Variants in PPP2R2C observed in about 807,000 individuals in gnomAD.
The protein encoded by PPP2R2C is protein phosphatase 2 regulatory subunit Bgamma, also known as protein phosphatase 2, regulatory subunit B, gamma.
A neutral mutation model predicts 45.3 loss-of-function variants in PPP2R2C; 10 were observed. The observed-to-expected ratio is 0.22, with a 90% CI of 0.14 to 0.37. The LOEUF (loss-of-function observed/expected upper bound fraction) is 0.37. Among genes scored for constraint, PPP2R2C ranks in the 10% least tolerant of loss-of-function variants. The pLI is 1.00. For missense variants in PPP2R2C, 308 were observed against 619.7 expected (o/e 0.50, Z 5.34); for synonymous variants, 257 against 245.4 (o/e 1.05, Z -0.44).
intron 2 of PPP2R2C, among the ~76,000 whole-genome samples, chr4:6,534,089 C>A (rs1478648211): frequency 1.3e-5 from 2 of 150,358 alleles, no homozygotes; most frequent in Non-Finnish European, 3.0e-5. Flanking sequence ...TACACATCAA[C>A]ACATACACTA....
intron 5 of PPP2R2C, among the ~76,000 whole-genome samples, chr4:6,363,575 T>C (rs1051546753): frequency 2.5e-4 from 37 of 149,988 alleles, no homozygotes; most frequent in African/African-American, 8.4e-4. Context: ...TGAGTCTCCA[T>C]CTCAAAAAAA....
At chr4:6,549,607 G>A (rs985319312) in intron 1 of PPP2R2C, among the ~76,000 whole-genome samples, 3 of 152,198 alleles carry the variant, frequency 2.0e-5, no homozygotes, top group Admixed American at 2.0e-4. Context: ...CTGTAGAGTG[G>A]CCACAGGTTT....
At chr4:6,542,822 C>A (rs1369940925) in intron 1 of PPP2R2C, among the ~76,000 whole-genome samples, 3 of 151,806 alleles carry the variant, frequency 2.0e-5, no homozygotes, top group African/African-American at 4.8e-5. Context: ...AAATAGAAAA[C>A]CAGACTTTGT....
At chr4:6,326,653 G>C (rs1385425959) in intron 8 of PPP2R2C, among the ~76,000 whole-genome samples, 1 of 152,210 alleles carries the variant, frequency 6.6e-6, no homozygotes, top group Non-Finnish European at 1.5e-5. Flanking sequence ...GGCCACGAAG[G>C]CCAGTTTCCT....
At chr4:6,499,387 G>A (rs761080265) in intron 2 of PPP2R2C, among the ~76,000 whole-genome samples, 14 of 152,002 alleles carry the variant, frequency 9.2e-5, no homozygotes, top group African/African-American at 1.7e-4. Context: ...CTCTCCCTTC[G>A]GCTGCATGAG....
intron 2 of PPP2R2C, among the ~76,000 whole-genome samples, chr4:6,509,516 C>T (rs1205910094): frequency 6.6e-6 from 1 of 152,132 alleles, no homozygotes; most frequent in African/African-American, 2.4e-5. Flanking sequence ...TAAACCTTTA[C>T]ACCAGGGGAA....
intron 5 of PPP2R2C, among the ~76,000 whole-genome samples, chr4:6,361,822 G>A (rs1056769948): frequency 2.0e-5 from 3 of 152,200 alleles, no homozygotes; most frequent in South Asian, 4.1e-4. Context: ...ACCAGACCCC[G>A]CCCTGACTGC....
chr4:6,472,317 C>G lies in PPP2R2C; in HGVS notation c.-88G>C. 6.4e-7 allele frequency: 1 copy of G among 1,572,846 alleles called. No individual in the cohort carries two copies. The highest frequency in any genetic ancestry group is 1.1e-5 in the South Asian group (1 of 87,372). Reference sequence around the variant, plus strand: ...GTCGCGCCGGGCGCGCGGGCCATGCCGCCGCAGCCTAGCAGGGGCGCGGGC... The same window carrying G: ...GTCGCGCCGGGCGCGCGGGCCATGCGGCCGCAGCCTAGCAGGGGCGCGGGC... On this transcript the variant is annotated 5_prime_UTR_variant, in exon 1 of 9. Transcript: ENST00000382599.
intron 1 of PPP2R2C, among the ~76,000 whole-genome samples, chr4:6,465,472 C>T (rs796123724): frequency 6.3e-4 from 96 of 152,298 alleles, no homozygotes; most frequent in African/African-American, 2.3e-3. Flanking sequence ...TCACCCTACC[C>T]AGAGTTCCAG....
upstream of PPP2R2C, among the ~76,000 whole-genome samples, chr4:6,473,332 G>A (rs1722016151): frequency 6.6e-6 from 1 of 152,066 alleles, no homozygotes; most frequent in Admixed American, 6.5e-5. Flanking sequence ...TGCCAAACAG[G>A]AACCTCCCTC....
intron 2 of PPP2R2C, among the ~76,000 whole-genome samples, chr4:6,482,918 T>C (rs963924089): frequency 6.6e-6 from 1 of 152,238 alleles, no homozygotes; most frequent in Non-Finnish European, 1.5e-5. Context: ...TTCCTTAGAA[T>C]AAGTATTAAA....
intron 1 of PPP2R2C, among the ~76,000 whole-genome samples, chr4:6,388,623 C>T (rs528473460): frequency 1.6e-4 from 25 of 152,168 alleles, no homozygotes; most frequent in Admixed American, 5.2e-4. Context: ...AAGGGCAGGA[C>T]GGGCATGGTG....
intron 2 of PPP2R2C, among the ~76,000 whole-genome samples, chr4:6,497,912 CAT>C (rs991829482): frequency 6.6e-6 from 1 of 152,228 alleles, no homozygotes; most frequent in Non-Finnish European, 1.5e-5. Context: ...ATTAAAATCA[CAT>C]GAGAGACCAT....
chr4:6,552,806 G>C (rs368212195), intron 1 of PPP2R2C, among the ~76,000 whole-genome samples: 19 of 152,308 alleles, frequency 1.2e-4, no homozygotes, highest in South Asian at 1.0e-3. Context: ...TCCTGCAAAA[G>C]TGGACTTTAT....
In PPP2R2C at chr4:6,347,989, G is replaced by T. The variant is rs1712162396; in HGVS notation, c.647C>A (p.Ala216Asp). The T allele has an allele frequency of 6.2e-7, 1 of 1,613,858 alleles. No individual in the cohort carries two copies. Among genetic ancestry groups the T allele is most frequent in the Non-Finnish European group, 8.5e-7 (1 of 1,179,962 alleles). Reference sequence around the variant, plus strand: ...CACCTCCGTAAGGTCCTCCATGTTGGCCGGCTTGATGTCCACGATGTCTGG... The same window carrying T: ...CACCTCCGTAAGGTCCTCCATGTTGTCCGGCTTGATGTCCACGATGTCTGG... Reference protein sequence around the residue: ...RSFNIVDIKPANMEDLTEVIT... With the variant: ...RSFNIVDIKPDNMEDLTEVIT... The change falls in exon 6 of 9, where the codon GCC becomes GAC. Residue 216 changes from alanine to aspartate, a missense_variant. By Grantham distance (126) the Ala-to-Asp change is moderately radical (BLOSUM62 -2). Coordinates refer to ENST00000382599, the MANE Select transcript of PPP2R2C (RefSeq NM_020416.4).
chr4:6,492,035 G>T (rs946967165), intron 2 of PPP2R2C, among the ~76,000 whole-genome samples: 4 of 152,164 alleles, frequency 2.6e-5, no homozygotes, highest in African/African-American at 9.7e-5. Context: ...GTAACACCAG[G>T]GACAATAAGG....
chr4:6,547,668 C>CAGGATAA, intron 1 of PPP2R2C, among the ~76,000 whole-genome samples: 1 of 152,270 alleles, frequency 6.6e-6, no homozygotes, highest in Non-Finnish European at 1.5e-5. Context: ...GGACCTCCTA[C>CAGGATAA]AGGATAAAGG....
chr4:6,436,429 T>C (rs1189024936), intron 1 of PPP2R2C, among the ~76,000 whole-genome samples: 1 of 152,246 alleles, frequency 6.6e-6, no homozygotes, highest in African/African-American at 2.4e-5. Context: ...TTTTGACCTT[T>C]ACTGCACTTC....
chr4:6,543,800 C>A (rs1724885105), intron 1 of PPP2R2C, among the ~76,000 whole-genome samples: 1 of 152,252 alleles, frequency 6.6e-6, no homozygotes, highest in Non-Finnish European at 1.5e-5. Flanking sequence ...GTTGCCACCT[C>A]ATGACCATGA....
Sources: allele counts gnomAD v4.1 joint callset (sites outside exome capture counted in the v4.1 genomes callset), GRCh38; gene constraint gnomAD v4.1.1; transcripts MANE v1.5; gene names NCBI Gene and HGNC (gene_info 2026-07-23, HGNC 2026-07-21).